Variants in CALN1 observed in about 807,000 individuals in gnomAD.
CALN1 encodes the protein calneuron 1.
CALN1 carries 17 observed loss-of-function variants against 30.6 expected under a neutral mutation model. That is an observed-to-expected ratio of 0.56 (90% confidence interval 0.38 to 0.83). The LOEUF (loss-of-function observed/expected upper bound fraction) is 0.83, where lower values mean the gene tolerates loss of function less well. Ranked by LOEUF, CALN1 falls within the 40% of genes least tolerant of loss-of-function variation. CALN1 has a pLI of 0.00. For synonymous variants in CALN1, 156 were observed against 131.4 expected, an observed-to-expected ratio of 1.19 and a Z score of -1.28; for missense variants, 291 against 354.9, an observed-to-expected ratio of 0.82 and a Z score of 1.45.
intron 6 of CALN1, among the ~76,000 whole-genome samples, chr7:71,792,453 T>C (rs1444741911): frequency 2.6e-5 from 4 of 152,040 alleles, no homozygotes; most frequent in African/African-American, 9.7e-5. Flanking sequence ...CTCAGCTTTC[T>C]TCTTGCCGAT....
At chr7:72,363,861 A>G (rs1335380354) in intron 2 of CALN1, among the ~76,000 whole-genome samples, 1 of 151,288 alleles carries the variant, frequency 6.6e-6, no homozygotes, top group Non-Finnish European at 1.5e-5. Context: ...CAGCCTCCCA[A>G]GTAGCTGCGA....
chr7:72,305,883 C>G (rs1914398), intron 2 of CALN1, among the ~76,000 whole-genome samples: 122,128 of 152,048 alleles, frequency 0.8, 50,350 homozygotes, highest in Middle Eastern at 0.93. Context: ...CTCACATGGT[C>G]GGGGAGAGAC....
At chr7:71,939,405 A>G (rs1480986603) in intron 5 of CALN1, among the ~76,000 whole-genome samples, 1 of 100,588 alleles carries the variant, frequency 9.9e-6, no homozygotes, top group Non-Finnish European at 2.5e-5. Context: ...TAAAAATACA[A>G]AAAAAAAAAA....
In CALN1 at chr7:72,325,938, G is replaced by C. The variant is rs1801246823; in HGVS notation, c.120-47128C>G. 3.9e-5 allele frequency among the ~76,000 whole-genome samples: 6 copies of C among 152,250 alleles called. 1 individual carries two copies. In the Middle Eastern group the frequency reaches 0.02, roughly 518 times the overall value. ...TTTTTAGAAGACAGGGTCTTGTTCT[G>C]TCACCCAGGCTGGAATGCAGTGGCA... On this transcript the variant is annotated intron_variant, in intron 2 of 6. Coordinates refer to ENST00000395275, the MANE Select transcript of CALN1 (RefSeq NM_031468.4).
chr7:72,291,363 G>T (rs1798467613), intron 2 of CALN1, among the ~76,000 whole-genome samples: 1 of 152,138 alleles, frequency 6.6e-6, no homozygotes, highest in African/African-American at 2.4e-5. Context: ...CCTGTCATTT[G>T]TTGAGGGGAG....
At chr7:72,092,624 G>C (rs1232731121) in intron 4 of CALN1, among the ~76,000 whole-genome samples, 1 of 34,052 alleles carries the variant, frequency 2.9e-5, no homozygotes, top group Non-Finnish European at 5.1e-5. Context: ...TTGTATTCTA[G>C]TAAAAAAAAA....
intron 6 of CALN1, among the ~76,000 whole-genome samples, chr7:71,788,453 C>T (rs77884570): frequency 1.0e-3 from 155 of 149,590 alleles, no homozygotes; most frequent in African/African-American, 3.6e-3. Context: ...GGTCGTTGGA[C>T]AAGCAGCATC....
At chr7:72,392,695 G>A (rs1005692535) in intron 2 of CALN1, among the ~76,000 whole-genome samples, 2 of 152,118 alleles carry the variant, frequency 1.3e-5, no homozygotes, top group South Asian at 4.1e-4. Flanking sequence ...ATTTGGTACA[G>A]GTCAATGCAG....
chr7:72,089,833 T>C (rs2129539666), intron 4 of CALN1, among the ~76,000 whole-genome samples: 1 of 152,272 alleles, frequency 6.6e-6, no homozygotes, highest in East Asian at 1.9e-4. Flanking sequence ...CAATAATTTA[T>C]CTTGGACAAA....
chr7:72,369,373 T>TGTTG (rs59936045), intron 2 of CALN1, among the ~76,000 whole-genome samples: 1 of 142,206 alleles, frequency 7.0e-6, no homozygotes, highest in African/African-American at 2.7e-5. Context: ...TTGTTGTTGT[T>TGTTG]TGTTTTTGAG....
At chr7:72,222,551 C>T (rs1257934130) in intron 3 of CALN1, among the ~76,000 whole-genome samples, 1 of 152,138 alleles carries the variant, frequency 6.6e-6, no homozygotes, top group Non-Finnish European at 1.5e-5. Flanking sequence ...CACATCCTAC[C>T]AGGCCCCCCT....
At chr7:72,137,682 G>T (rs1393187497) in intron 3 of CALN1, among the ~76,000 whole-genome samples, 2 of 152,202 alleles carry the variant, frequency 1.3e-5, no homozygotes, top group Non-Finnish European at 2.9e-5. Context: ...GGGGAAATTT[G>T]AATAGAGTCT....
At chr7:72,209,589 T>G (rs534321591) in intron 3 of CALN1, among the ~76,000 whole-genome samples, 7 of 151,306 alleles carry the variant, frequency 4.6e-5, no homozygotes, top group African/African-American at 1.7e-4. Flanking sequence ...AAACAATCAA[T>G]GGTTTTTAGT....
chr7:72,048,252 A>G (rs844769), intron 4 of CALN1, among the ~76,000 whole-genome samples: 74,164 of 151,756 alleles, frequency 0.49, 19,430 homozygotes, highest in African/African-American at 0.69. Flanking sequence ...TTGGCCAGGC[A>G]GGACTTGAAC....
intron 5 of CALN1, among the ~76,000 whole-genome samples, chr7:71,899,637 T>C (rs996263205): frequency 6.6e-6 from 1 of 152,160 alleles, no homozygotes; most frequent in Non-Finnish European, 1.5e-5. Context: ...ATGATATTTA[T>C]TTTGGAATTA....
At chr7:72,397,707 TTC>T (rs775132024) in intron 2 of CALN1, among the ~76,000 whole-genome samples, 514 of 49,996 alleles carry the variant, frequency 0.01, 4 homozygotes, top group African/African-American at 0.032. Context: ...AGAGCACCCA[TTC>T]TCTCTCACAC....
chr7:72,383,499 G>T (rs986991590), intron 2 of CALN1, among the ~76,000 whole-genome samples: 6 of 152,160 alleles, frequency 3.9e-5, no homozygotes, highest in African/African-American at 1.4e-4. Flanking sequence ...GGTGGTTAGT[G>T]ATGTGGAGCA....
intron 2 of CALN1, among the ~76,000 whole-genome samples, chr7:72,307,861 G>C (rs576517749): frequency 6.6e-6 from 1 of 150,708 alleles, no homozygotes; most frequent in East Asian, 2.0e-4. Flanking sequence ...GGCAAGAGGA[G>C]GGTCCCAGAC....
In CALN1 at chr7:72,398,436, T is replaced by C. The variant is rs553592107; in HGVS notation, c.119+4815A>G. Among the ~76,000 whole-genome samples the C allele has an allele frequency of 1.1e-4, 16 of 152,358 alleles. No individual in the cohort carries two copies. In the South Asian group the frequency reaches 3.3e-3, roughly 32 times the overall value. ...TCATTTCAAAATACGAAAAAACACT[T>C]TGTTTGGAACATGAGTTATTTTTAG... is the stretch of plus-strand genomic sequence containing the variant. On this transcript the variant is annotated intron_variant, in intron 2 of 6. Transcript: ENST00000395275.
Sources: gnomAD v4.1 joint callset for allele counts (sites outside exome capture counted in the v4.1 genomes callset) on GRCh38, gnomAD v4.1.1 for gene constraint, MANE v1.5 for transcripts, NCBI Gene and HGNC (gene_info 2026-07-23, HGNC 2026-07-21) for gene names.